The following SSBP3 variants were observed in gnomAD, a reference collection of about 807,000 sequenced individuals.
SSBP3 encodes single stranded DNA binding protein 3, also known as single-stranded DNA-binding protein 3.
In SSBP3, 5 loss-of-function variants were observed where a neutral mutation model predicts 69.6. That is an observed-to-expected ratio of 0.07 (90% CI 0.04 to 0.15). The LOEUF is 0.15. SSBP3 is among the 10% of genes least tolerant of loss of function. The probability of loss-of-function intolerance (pLI) is 1.00; values close to 1 mark genes in which losing one functional copy is unlikely to be tolerated. For missense variants in SSBP3, 312 were observed against 534.0 expected (o/e 0.58, Z 4.10); for synonymous variants, 196 against 193.4 (o/e 1.01, Z -0.11).
intron 4 of SSBP3, among the ~76,000 whole-genome samples, chr1:54,393,836 T>C (rs757659744): frequency 6.6e-6 from 1 of 152,208 alleles, no homozygotes; most frequent in Non-Finnish European, 1.5e-5. Context: ...CTTGGCTCAC[T>C]GCAACCTCCA....
chr1:54,229,018 G>A (rs1348207828), intron 14 of SSBP3, among the ~76,000 whole-genome samples, 192 bp from the exon 15 acceptor site: 1 of 152,234 alleles, frequency 6.6e-6, no homozygotes, highest in Non-Finnish European at 1.5e-5. Flanking sequence ...AAGCTGCAGG[G>A]CAGAGGTGCT....
At chr1:54,398,579 G>A (rs1466461018) in intron 4 of SSBP3, among the ~76,000 whole-genome samples, 1 of 152,132 alleles carries the variant, frequency 6.6e-6, no homozygotes, top group African/African-American at 2.4e-5. Flanking sequence ...CTCTACAAAA[G>A]GTCAGGACCC....
chr1:54,285,787 C>T (rs1339198692), intron 4 of SSBP3, among the ~76,000 whole-genome samples: 4 of 152,154 alleles, frequency 2.6e-5, no homozygotes, highest in Non-Finnish European at 5.9e-5. Context: ...CTACAGCATG[C>T]CAGGGCTGCA....
chr1:54,287,486 A>G (rs1223428004), intron 4 of SSBP3: 1 of 152,244 alleles, frequency 6.6e-6, no homozygotes, highest in Non-Finnish European at 1.5e-5. Context: ...GAGGTCACTC[A>G]AGGGAGCTTG....
At chr1:54,394,936 C>A (rs1648756024) in intron 4 of SSBP3, among the ~76,000 whole-genome samples, 1 of 151,842 alleles carries the variant, frequency 6.6e-6, no homozygotes, top group African/African-American at 2.4e-5. Context: ...ATCTCCTGAA[C>A]TCGTGATCCG....
At chr1:54,254,075 A>G (rs685787) in intron 7 of SSBP3, among the ~76,000 whole-genome samples, 94,973 of 152,104 alleles carry the variant, frequency 0.62, 30,736 homozygotes, top group African/African-American at 0.79. Context: ...GTCTCAAACT[A>G]AGAGGGCTGA....
intron 4 of SSBP3, among the ~76,000 whole-genome samples, chr1:54,321,968 G>A (rs1253520309): frequency 6.6e-6 from 1 of 152,128 alleles, no homozygotes; most frequent in Non-Finnish European, 1.5e-5. Flanking sequence ...AAGAAGGGCT[G>A]GAAAATAGGA....
chr1:54,294,630 G>T (rs1007453758), intron 4 of SSBP3, among the ~76,000 whole-genome samples: 1 of 152,324 alleles, frequency 6.6e-6, no homozygotes, highest in South Asian at 2.1e-4. Context: ...GCTGGGTGCA[G>T]GAAGGGGTTC....
intron 4 of SSBP3, among the ~76,000 whole-genome samples, chr1:54,367,476 G>C (rs1647047613): frequency 6.6e-6 from 1 of 152,212 alleles, no homozygotes; most frequent in Admixed American, 6.5e-5. Context: ...AAAAGCATCT[G>C]AATCTGTCAA....
chr1:54,228,104 C>G, intron 17 of SSBP3, 151 bp downstream of exon 17: 1 of 769,306 alleles, frequency 1.3e-6, no homozygotes, highest in South Asian at 1.6e-5. Flanking sequence ...AGGCTGCACA[C>G]TTCTGCTAAA....
chr1:54,343,883 A>G (rs1036789585), intron 4 of SSBP3, among the ~76,000 whole-genome samples: 2 of 152,266 alleles, frequency 1.3e-5, no homozygotes, highest in African/African-American at 4.8e-5. Flanking sequence ...AGGGGCTAGG[A>G]GAGCCACTAG....
intron 9 of SSBP3, among the ~76,000 whole-genome samples, chr1:54,249,268 A>G (rs1644785080): frequency 6.6e-6 from 1 of 152,260 alleles, no homozygotes; most frequent in African/African-American, 2.4e-5. Flanking sequence ...CCAGAAAAAG[A>G]GAAAGAAGAA....
At chr1:54,313,453 T>C (rs1465457973) in intron 4 of SSBP3, among the ~76,000 whole-genome samples, 8 of 146,422 alleles carry the variant, frequency 5.5e-5, no homozygotes, top group African/African-American at 1.3e-4. Flanking sequence ...TTTTTTTTTT[T>C]TTTTTTTTCT....
At chr1:54,389,842 G>A (rs1225366530) in intron 4 of SSBP3, among the ~76,000 whole-genome samples, 1 of 151,396 alleles carries the variant, frequency 6.6e-6, no homozygotes. Flanking sequence ...TCATGCTACT[G>A]CACTCCAGCC....
chr1:54,272,409 G>A (rs538476200), intron 5 of SSBP3, among the ~76,000 whole-genome samples: 6 of 151,852 alleles, frequency 4.0e-5, no homozygotes, highest in South Asian at 2.1e-4. Context: ...ATGCCGAGGC[G>A]TGTTATTACA....
intron 14 of SSBP3, chr1:54,236,653 C>T (rs1644500899): frequency 6.6e-6 from 1 of 152,208 alleles, no homozygotes; most frequent in Non-Finnish European, 1.5e-5. Flanking sequence ...TCTTGTCTCA[C>T]ACTTTAAAAA....
chr1:54,278,425 C>T (rs973734118), intron 5 of SSBP3, among the ~76,000 whole-genome samples: 2 of 152,024 alleles, frequency 1.3e-5, no homozygotes, highest in Non-Finnish European at 2.9e-5. Flanking sequence ...TGCCACGGGA[C>T]CAGACAGGTA....
intron 4 of SSBP3, among the ~76,000 whole-genome samples, chr1:54,377,309 T>C (rs897551998): frequency 6.6e-6 from 1 of 152,256 alleles, no homozygotes; most frequent in Non-Finnish European, 1.5e-5. Flanking sequence ...CCCTCAAGGT[T>C]ACTCCGTAAA....
chr1:54,241,227 G>A (rs978362495), intron 12 of SSBP3, among the ~76,000 whole-genome samples: 4 of 152,116 alleles, frequency 2.6e-5, no homozygotes, highest in Admixed American at 1.3e-4. Flanking sequence ...AGAGGCCTGC[G>A]GTGGACGCCA....
Sources: gnomAD v4.1 joint callset for allele counts (sites outside exome capture counted in the v4.1 genomes callset) on GRCh38, gnomAD v4.1.1 for gene constraint, MANE v1.5 for transcripts, NCBI Gene and HGNC (gene_info 2026-07-23, HGNC 2026-07-21) for gene names.